ASCC1: variants seen among roughly 807,000 people sequenced by gnomAD.
The protein encoded by ASCC1 is ASC-1 complex subunit P50.
Under a neutral mutation model 46.6 loss-of-function variants are expected in ASCC1, and 35 were observed. That is an observed-to-expected ratio of 0.75 (90% CI 0.57 to 0.99). The LOEUF (loss-of-function observed/expected upper bound fraction) is 0.99, where lower values mean the gene tolerates loss of function less well. ASCC1 is among the 50% of genes least tolerant of loss of function. The pLI, the probability that ASCC1 is intolerant of heterozygous loss-of-function variation, is 0.00. For synonymous variants in ASCC1, 143 were observed against 146.6 expected (o/e 0.98, Z 0.18); for missense variants, 376 against 428.7 (o/e 0.88, Z 1.09).
chr10:72,104,996 G>T (rs1425010507), intron 9 of ASCC1, among the ~76,000 whole-genome samples: 1 of 152,068 alleles, frequency 6.6e-6, no homozygotes, highest in African/African-American at 2.4e-5. Context: ...AAGATTACTT[G>T]CCCATCCCGT....
chr10:72,163,123 T>C (rs1292925861), intron 5 of ASCC1, among the ~76,000 whole-genome samples: 1 of 152,114 alleles, frequency 6.6e-6, no homozygotes, highest in African/African-American at 2.4e-5. Flanking sequence ...AAATGACAAG[T>C]GCTGGCGAGG....
At chr10:72,125,682 G>C (rs1844782482) in intron 9 of ASCC1, among the ~76,000 whole-genome samples, 1 of 152,120 alleles carries the variant, frequency 6.6e-6, no homozygotes, top group African/African-American at 2.4e-5. Flanking sequence ...TAATTCTCTT[G>C]ATTGAACATA....
At chr10:72,213,477 C>T (rs1207222808) in intron 1 of ASCC1, 146 bp from the exon 2 acceptor site, 6 of 607,426 alleles carry the variant, frequency 9.9e-6, no homozygotes, top group African/African-American at 3.7e-5. Flanking sequence ...TTGGATTTCC[C>T]ATCTGTAAAC....
chr10:72,103,919 T>G (rs1842070836), intron 9 of ASCC1, among the ~76,000 whole-genome samples: 2 of 152,206 alleles, frequency 1.3e-5, no homozygotes, highest in African/African-American at 2.4e-5. Context: ...TCAAACCTAC[T>G]TATAAAAATA....
chr10:72,160,335 T>TA (rs2132669364), intron 6 of ASCC1, among the ~76,000 whole-genome samples: 1 of 152,062 alleles, frequency 6.6e-6, no homozygotes, highest in Admixed American at 6.5e-5. Context: ...AAGAATGGAG[T>TA]AAAAAAACTA....
intron 1 of ASCC1, among the ~76,000 whole-genome samples, chr10:72,213,769 G>T (rs574050870): frequency 2.4e-4 from 36 of 152,098 alleles, no homozygotes; most frequent in African/African-American, 8.7e-4. Flanking sequence ...GCCAGGTGTG[G>T]TGGCTCACAC....
intron 5 of ASCC1, among the ~76,000 whole-genome samples, chr10:72,175,008 G>A (rs1043216167): frequency 6.6e-6 from 1 of 152,126 alleles, no homozygotes; most frequent in Non-Finnish European, 1.5e-5. Flanking sequence ...CCCTATACTC[G>A]TTGTATTTTC....
chr10:72,113,607 G>GA (rs1843162376), intron 9 of ASCC1, among the ~76,000 whole-genome samples: 1 of 152,184 alleles, frequency 6.6e-6, no homozygotes, highest in African/African-American at 2.4e-5. Context: ...ACACAGCTTA[G>GA]ATTTGAATCT....
At chr10:72,179,884 A>G (rs561262147) in intron 5 of ASCC1, among the ~76,000 whole-genome samples, 13 of 152,248 alleles carry the variant, frequency 8.5e-5, no homozygotes, top group Non-Finnish European at 2.9e-5. Flanking sequence ...AGCTTTATTC[A>G]TAATATCCCA....
At chr10:72,202,195 T>C (rs954242749) in intron 4 of ASCC1, among the ~76,000 whole-genome samples, 1 of 152,096 alleles carries the variant, frequency 6.6e-6, no homozygotes, top group Non-Finnish European at 1.5e-5. Flanking sequence ...CGGCCAGACA[T>C]GGTGCTCACG....
chr10:72,180,736 G>A (rs752176244), intron 5 of ASCC1: 1 of 151,698 alleles, frequency 6.6e-6, no homozygotes, highest in African/African-American at 2.4e-5. Context: ...CACATCTATA[G>A]AAACTATACA....
At chr10:72,114,001 CTTTA>C (rs1843207681) in intron 9 of ASCC1, among the ~76,000 whole-genome samples, 1 of 152,154 alleles carries the variant, frequency 6.6e-6, no homozygotes, top group Admixed American at 6.5e-5. Context: ...GTTCAGTGCA[CTTTA>C]TTTTTCATTC....
chr10:72,116,179 A>G (rs1215007188), intron 9 of ASCC1, among the ~76,000 whole-genome samples: 1 of 152,248 alleles, frequency 6.6e-6, no homozygotes, highest in Non-Finnish European at 1.5e-5. Flanking sequence ...TTTTACACTT[A>G]TAAAAATGTA....
At chr10:72,100,248 G>T (rs1294286747) in intron 9 of ASCC1, among the ~76,000 whole-genome samples, 50 of 147,886 alleles carry the variant, frequency 3.4e-4, no homozygotes, top group African/African-American at 9.0e-4. Flanking sequence ...TTTTTTAGAC[G>T]GACTCTCTCT....
chr10:72,107,121 C>T (rs1459830279), intron 9 of ASCC1, among the ~76,000 whole-genome samples: 5 of 151,294 alleles, frequency 3.3e-5, no homozygotes, highest in Non-Finnish European at 7.4e-5. Context: ...CATGTAGGTA[C>T]AGGACTAGTA....
At chr10:72,189,744 G>C (rs377287032) in intron 5 of ASCC1, among the ~76,000 whole-genome samples, 5 of 145,344 alleles carry the variant, frequency 3.4e-5, no homozygotes, top group African/African-American at 1.3e-4. Context: ...GGAGGTTGCA[G>C]TGAGCCGAGA....
At chr10:72,158,810 T>C (rs1849290795) in intron 6 of ASCC1, 1 of 152,208 alleles carries the variant, frequency 6.6e-6, no homozygotes, top group South Asian at 2.1e-4. Flanking sequence ...TATTTTAATT[T>C]GGGACCACTA....
intron 9 of ASCC1, among the ~76,000 whole-genome samples, chr10:72,098,602 C>G (rs796073193): frequency 3.3e-5 from 5 of 152,370 alleles, no homozygotes; most frequent in African/African-American, 1.2e-4. Context: ...TGTCTTTTCA[C>G]TTATTTTTAT....
At chr10:72,185,687 A>G (rs1340772927) in intron 5 of ASCC1, among the ~76,000 whole-genome samples, 1 of 152,236 alleles carries the variant, frequency 6.6e-6, no homozygotes, top group African/African-American at 2.4e-5. Context: ...ACTGCAGAGG[A>G]AAGAAATATT....
Sources: allele counts gnomAD v4.1 joint callset (sites outside exome capture counted in the v4.1 genomes callset), GRCh38; gene constraint gnomAD v4.1.1; transcripts MANE v1.5; gene names NCBI Gene and HGNC (gene_info 2026-07-23, HGNC 2026-07-21).